Variants in DPP10 observed in about 807,000 individuals in gnomAD.
The protein encoded by DPP10 is inactive dipeptidyl peptidase 10.
Under a neutral mutation model 120.9 loss-of-function variants are expected in DPP10, and 33 were observed. The ratio of observed to expected loss-of-function variants is 0.27; its 90% CI spans 0.21 to 0.37. The LOEUF (loss-of-function observed/expected upper bound fraction) is 0.37. DPP10 is among the 10% of genes least tolerant of loss of function. The pLI, the probability that DPP10 is intolerant of heterozygous loss-of-function variation, is 1.00. For synonymous variants in DPP10, 337 were observed against 326.1 expected, an observed-to-expected ratio of 1.03 and a Z score of -0.36; for missense variants, 816 against 942.8, an observed-to-expected ratio of 0.87 and a Z score of 1.76.
chr2:115,152,860 G>T (rs911976438), intron 1 of DPP10, among the ~76,000 whole-genome samples: 3 of 152,174 alleles, frequency 2.0e-5, no homozygotes, highest in Non-Finnish European at 4.4e-5. Flanking sequence ...TAACCCGCCA[G>T]GTTTATGGAT....
At chr2:115,627,115 C>CA (rs955362242) in intron 5 of DPP10, among the ~76,000 whole-genome samples, 50 of 151,458 alleles carry the variant, frequency 3.3e-4, no homozygotes, top group Middle Eastern at 3.4e-3. Context: ...TGTTGAATTA[C>CA]AAAAAAAATC....
chr2:115,310,413 AGTGAGACACTTCGT>A (rs2061529268), intron 2 of DPP10, among the ~76,000 whole-genome samples: 1 of 152,184 alleles, frequency 6.6e-6, no homozygotes, highest in Non-Finnish European at 1.5e-5. Flanking sequence ...CAATTGTTCC[AGTGAGACACTTCGT>A]GAGATATACC....
chr2:115,401,250 G>A (rs1041038222), intron 3 of DPP10, among the ~76,000 whole-genome samples: 1 of 152,130 alleles, frequency 6.6e-6, no homozygotes, highest in African/African-American at 2.4e-5. Context: ...AAGCCTTTGA[G>A]TACATCCTCT....
chr2:114,986,437 ATAT>A (rs1383298035), intron 1 of DPP10, among the ~76,000 whole-genome samples: 1 of 152,204 alleles, frequency 6.6e-6, no homozygotes, highest in Non-Finnish European at 1.5e-5. Context: ...ATTCTCAGCA[ATAT>A]CATTTACACC....
intron 3 of DPP10, among the ~76,000 whole-genome samples, chr2:115,380,918 A>T (rs1213389175): frequency 6.6e-6 from 1 of 152,050 alleles, no homozygotes; most frequent in Non-Finnish European, 1.5e-5. Flanking sequence ...CTGCCTAGAG[A>T]TCCGCTGTTA....
chr2:115,192,481 G>T (rs997015221), intron 1 of DPP10, among the ~76,000 whole-genome samples: 18 of 152,200 alleles, frequency 1.2e-4, no homozygotes, highest in Non-Finnish European at 2.6e-4. Context: ...CCCCCAGTGG[G>T]TCCCTTGATG....
At chr2:114,505,794 C>A (rs376007464) in intron 1 of DPP10, among the ~76,000 whole-genome samples, 1 of 152,186 alleles carries the variant, frequency 6.6e-6, no homozygotes, top group African/African-American at 2.4e-5. Context: ...GACTCTCCAG[C>A]TCATTCTGCT....
chr2:114,582,688 G>A (rs1024856639), intron 1 of DPP10, among the ~76,000 whole-genome samples: 49 of 152,222 alleles, frequency 3.2e-4, no homozygotes, highest in African/African-American at 1.1e-3. Context: ...CGTTGATGAC[G>A]TATGATGTAG....
At chr2:115,096,492 G>A (rs1324524480) in intron 1 of DPP10, among the ~76,000 whole-genome samples, 1 of 152,120 alleles carries the variant, frequency 6.6e-6, no homozygotes, top group Non-Finnish European at 1.5e-5. Flanking sequence ...ATTAGAGATA[G>A]CCTGAGTCAA....
rs559734191 is a variant in DPP10, at chr2:115,110,291, A to G, written c.61-198948A>G. 3.3e-5 allele frequency among the ~76,000 whole-genome samples: 5 copies of G among 152,290 alleles called. No individual in the cohort carries two copies. The South Asian group carries it at 1.0e-3, about 32-fold the overall frequency. On this transcript the variant is annotated intron_variant, in intron 1 of 25. Coordinates refer to ENST00000410059, the MANE Select transcript of DPP10 (RefSeq NM_020868.6). ...CTTTTGTACCACCAGGATCAGTTTT[A>G]TGATCTTAGGCAAACCAACTTAGTC...
intron 1 of DPP10, among the ~76,000 whole-genome samples, chr2:115,027,349 T>A (rs756598518): frequency 6.6e-6 from 1 of 152,188 alleles, no homozygotes; most frequent in Non-Finnish European, 1.5e-5. Flanking sequence ...CTAATTGGTC[T>A]TGCCAGGACT....
chr2:115,737,434 T>C (rs1474971616), intron 8 of DPP10, among the ~76,000 whole-genome samples: 1 of 152,152 alleles, frequency 6.6e-6, no homozygotes, highest in Admixed American at 6.6e-5. Flanking sequence ...TGGAAAGAGC[T>C]GCCCTTGAAA....
At chr2:115,555,177 A>G (rs572270285) in intron 5 of DPP10, among the ~76,000 whole-genome samples, 1 of 152,080 alleles carries the variant, frequency 6.6e-6, no homozygotes, top group African/African-American at 2.4e-5. Flanking sequence ...AAGAGCAAAA[A>G]TTCATCTTCT....
chr2:114,951,689 T>C (rs1697798433), intron 1 of DPP10, among the ~76,000 whole-genome samples: 1 of 152,156 alleles, frequency 6.6e-6, no homozygotes, highest in African/African-American at 2.4e-5. Context: ...TATCAAATCT[T>C]ATCTGGTCTT....
chr2:114,830,858 C>G (rs1687037891), intron 1 of DPP10, among the ~76,000 whole-genome samples: 1 of 151,526 alleles, frequency 6.6e-6, no homozygotes, highest in African/African-American at 2.4e-5. Flanking sequence ...TTGCATCAAC[C>G]AAGTTGATTA....
In DPP10 at chr2:115,208,857, G is replaced by C. The variant is rs145416159; in HGVS notation, c.61-100382G>C. ...CAAATTATCTGGAAGTGTACATTTAGGAGCAAATGTACAAAGCTATAAAAA... is the reference window on the plus strand; with the variant it reads ...CAAATTATCTGGAAGTGTACATTTACGAGCAAATGTACAAAGCTATAAAAA... On this transcript the variant is annotated intron_variant, in intron 1 of 25. Coordinates refer to ENST00000410059, the MANE Select transcript of DPP10 (RefSeq NM_020868.6). Among the ~76,000 whole-genome samples, 18 of 152,248 alleles carry C rather than the reference G, an allele frequency of 1.2e-4. 1 individual carries two copies. In the East Asian group the frequency reaches 3.5e-3, roughly 29 times the overall value.
chr2:115,361,621 T>TG (rs892794601), intron 3 of DPP10, among the ~76,000 whole-genome samples: 97 of 152,258 alleles, frequency 6.4e-4, no homozygotes, highest in African/African-American at 2.2e-3. Flanking sequence ...AAATGTTTTT[T>TG]GGGGTCACAG....
intron 1 of DPP10, chr2:115,145,140 T>G (rs1043873096): frequency 6.6e-6 from 1 of 151,490 alleles, no homozygotes; most frequent in Non-Finnish European, 1.5e-5. Flanking sequence ...GTGATATGTG[T>G]GTCAGAAAAA....
At chr2:114,526,813 A>G (rs1685540278) in intron 1 of DPP10, among the ~76,000 whole-genome samples, 1 of 152,160 alleles carries the variant, frequency 6.6e-6, no homozygotes, top group South Asian at 2.1e-4. Flanking sequence ...ATCTCCTGGT[A>G]CCATCACTTT....
Sources: allele counts gnomAD v4.1 joint callset (sites outside exome capture counted in the v4.1 genomes callset), GRCh38; gene constraint gnomAD v4.1.1; transcripts MANE v1.5; gene names NCBI Gene and HGNC (gene_info 2026-07-23, HGNC 2026-07-21).